The following CDH22 variants were observed in gnomAD, a reference collection of about 807,000 sequenced individuals.
CDH22 encodes cadherin-22.
Under a neutral mutation model 58.4 loss-of-function variants are expected in CDH22, and 30 were observed. The observed-to-expected ratio is 0.51, with a 90% CI of 0.38 to 0.70. The LOEUF is 0.70. CDH22 is among the 30% of genes least tolerant of loss of function. The pLI, the probability that CDH22 is intolerant of heterozygous loss-of-function variation, is 0.00. For missense variants in CDH22, 1,014 were observed against 1,233.9 expected, an observed-to-expected ratio of 0.82 and a Z score of 2.67; for synonymous variants, 513 against 558.2, an observed-to-expected ratio of 0.92 and a Z score of 1.14.
chr20:46,189,947 A>ATT (rs60240148), intron 8 of CDH22, among the ~76,000 whole-genome samples: 2,028 of 142,734 alleles, frequency 0.014, 47 homozygotes, highest in African/African-American at 0.05. Flanking sequence ...TTGGTCAGTG[A>ATT]TTTTTTTTTT....
At chr20:46,302,512 G>A (rs975843453) in intron 1 of CDH22, among the ~76,000 whole-genome samples, 1 of 152,188 alleles carries the variant, frequency 6.6e-6, no homozygotes, top group Non-Finnish European at 1.5e-5. Flanking sequence ...TTGCTACAGA[G>A]GTTCAAAATA....
chr20:46,253,859 A>G (rs2086393313), intron 1 of CDH22, among the ~76,000 whole-genome samples: 1 of 152,132 alleles, frequency 6.6e-6, no homozygotes, highest in Admixed American at 6.5e-5. Context: ...TCACTTCTGG[A>G]GAGGGCTGTG....
chr20:46,258,129 G>A (rs1600719054), intron 1 of CDH22, among the ~76,000 whole-genome samples: 1 of 152,174 alleles, frequency 6.6e-6, no homozygotes, highest in African/African-American at 2.4e-5. Context: ...AGTTAGTGGG[G>A]CGGAGGTCAT....
At chr20:46,264,393 A>ATT (rs2086448281) in intron 1 of CDH22, among the ~76,000 whole-genome samples, 1 of 152,172 alleles carries the variant, frequency 6.6e-6, no homozygotes, top group African/African-American at 2.4e-5. Flanking sequence ...ATAATGATAG[A>ATT]TAACATTTAT....
chr20:46,207,784 T>C (rs1445473335), intron 7 of CDH22, among the ~76,000 whole-genome samples: 1 of 152,198 alleles, frequency 6.6e-6, no homozygotes, highest in Non-Finnish European at 1.5e-5. Context: ...AAGCTGTTCG[T>C]CTGTCTGGAA....
In CDH22 at chr20:46,239,677, C is replaced by T. The variant is rs529279291; in HGVS notation, c.550+1286G>A. ...ACAGCGAGTCAGCAATGGAGCGTGG[C>T]TTAGGACCTAGGGCAGCTGCTTCTT... On this transcript the variant is annotated intron_variant, in intron 3 of 11. Coordinates refer to ENST00000537909, the MANE Select transcript of CDH22 (RefSeq NM_021248.3). 1.4e-4 allele frequency among the ~76,000 whole-genome samples: 21 copies of T among 152,348 alleles called. No individual in the cohort carries two copies. In the South Asian group the frequency reaches 3.3e-3, roughly 24 times the overall value.
intron 3 of CDH22, among the ~76,000 whole-genome samples, chr20:46,228,253 C>A (rs550061380): frequency 9.2e-5 from 14 of 152,108 alleles, no homozygotes; most frequent in Non-Finnish European, 2.1e-4. Flanking sequence ...GAGAGGGCAG[C>A]ACCCAGCCTT....
In CDH22 at chr20:46,241,336, GC is replaced by G; in HGVS notation, c.256-80del. On this transcript the variant is annotated intron_variant, in intron 2 of 11. Coordinates refer to ENST00000537909, the MANE Select transcript of CDH22 (RefSeq NM_021248.3). This position sits in a 1 kb window ranked among gnomAD's most constrained non-coding sequence, Gnocchi z 5.2. ...GCCTCACTGTCTCATGCCATTGGCT[GC>G]CTATTCCTAAGCCCATCTCTTCTCC... 8.0e-7 allele frequency: 1 copy of G among 1,251,414 alleles called. No individual in the cohort carries two copies. The highest frequency in any genetic ancestry group is 1.5e-5 in the South Asian group (1 of 66,108). The allele number at this position is 1,251,414 out of a possible 1,614,324, so 77.5% of individuals were successfully genotyped here. A position where few individuals can be genotyped will look rare whatever the true frequency, so the allele number is the denominator to read the frequency against.
chr20:46,298,788 T>C (rs2086639274), intron 1 of CDH22, among the ~76,000 whole-genome samples: 1 of 152,068 alleles, frequency 6.6e-6, no homozygotes, highest in Non-Finnish European at 1.5e-5. Context: ...ATTTGGTTAA[T>C]GGACCCCAGT....
intron 10 of CDH22, among the ~76,000 whole-genome samples, chr20:46,185,248 A>C (rs1301441807): frequency 6.6e-6 from 1 of 152,098 alleles, no homozygotes; most frequent in Non-Finnish European, 1.5e-5. Context: ...CTGGTCCCTT[A>C]TTTCCAGTCT....
At chr20:46,245,057 C>T (rs2086318611) in intron 2 of CDH22, among the ~76,000 whole-genome samples, 1 of 152,140 alleles carries the variant, frequency 6.6e-6, no homozygotes, top group Admixed American at 6.5e-5. Flanking sequence ...TCTGAAGATT[C>T]ATAAGATAAT....
chr20:46,187,756 C>T (rs1055557819), intron 8 of CDH22, among the ~76,000 whole-genome samples: 5 of 152,118 alleles, frequency 3.3e-5, no homozygotes, highest in Non-Finnish European at 5.9e-5. Context: ...CACTGCCATC[C>T]CCACCCCCTC....
intron 3 of CDH22, among the ~76,000 whole-genome samples, chr20:46,235,662 C>T (rs571584683): frequency 1.6e-4 from 24 of 152,312 alleles, no homozygotes; most frequent in African/African-American, 5.5e-4. Context: ...GTCCTTGTCT[C>T]CTCTGCCTCT....
Position 46,216,299 on chromosome 20 carries a change from G to A in CDH22, c.838+527C>T, listed in dbSNP as rs892271234. ...CCTCCTAATTCAGAAGCACAGAGTC[G>A]CGCTACCCAGGCTCAGAGGAGGAGG... On this transcript the variant is annotated intron_variant, in intron 5 of 11. Transcript: ENST00000537909. The surrounding 1 kb of genome is among the most constrained non-coding windows in gnomAD (Gnocchi z 5.3). Among the ~76,000 whole-genome samples, 13 of 152,200 alleles carry A rather than the reference G, an allele frequency of 8.5e-5. No homozygotes were observed. Among genetic ancestry groups the A allele is most frequent in the African/African-American group, 1.7e-4 (7 of 41,452 alleles).
Position 46,175,089 on chromosome 20 carries a change from A to G in CDH22, c.1916-12T>C. The G allele has an allele frequency of 1.3e-6, 2 of 1,573,394 alleles. No homozygotes were observed. The highest frequency in any genetic ancestry group is 1.8e-5 in the Admixed American group (1 of 56,028). ...CAGCAGCACCAGCACTGCGAGGGGG[A>G]CAGAGGGGGCAACTGAGGGCCAAGC... On this transcript the variant is annotated splice_polypyrimidine_tract_variant and intron_variant, in intron 11 of 11. Coordinates refer to ENST00000537909, the MANE Select transcript of CDH22 (RefSeq NM_021248.3).
intron 2 of CDH22, among the ~76,000 whole-genome samples, chr20:46,243,398 T>C (rs546914029): frequency 6.6e-6 from 1 of 152,382 alleles, no homozygotes; most frequent in East Asian, 1.9e-4. Flanking sequence ...GGGGACTAAA[T>C]GGAGGCGTCT....
At chr20:46,196,300 G>T (rs2085902026) in intron 8 of CDH22, among the ~76,000 whole-genome samples, 1 of 151,712 alleles carries the variant, frequency 6.6e-6, no homozygotes, top group African/African-American at 2.4e-5. Context: ...TTTTGAGACA[G>T]AGTCTTGCCT....
At chr20:46,299,832 T>G (rs909956522) in intron 1 of CDH22, among the ~76,000 whole-genome samples, 8 of 152,150 alleles carry the variant, frequency 5.3e-5, no homozygotes, top group Non-Finnish European at 1.2e-4. Flanking sequence ...ATGGGAACCC[T>G]GGTAGTCTGG....
rs1331579265 is a variant in CDH22 at position 46,227,488 on chromosome 20, G to T, written c.670+20C>A. Reference sequence around the variant, plus strand: ...GGCCCCGCCCCACGGCTCCGCCTCTGGCCCCGCCCTGCCCCTCACCGGTCT... The same window carrying T: ...GGCCCCGCCCCACGGCTCCGCCTCTTGCCCCGCCCTGCCCCTCACCGGTCT... On this transcript the variant is annotated intron_variant, in intron 4 of 11. Transcript: ENST00000537909. 8.3e-6 allele frequency: 12 copies of T among 1,443,536 alleles called. No individual in the cohort carries two copies. Among genetic ancestry groups the T allele is most frequent in the Non-Finnish European group, 9.5e-6 (10 of 1,057,840 alleles). 89.4% of individuals were successfully genotyped at this position (1,443,536 alleles called of 1,614,324 possible).
Sources: gnomAD v4.1 joint callset for allele counts (sites outside exome capture counted in the v4.1 genomes callset) on GRCh38, gnomAD v4.1.1 for gene constraint, Gnocchi (gnomAD v3.1) non-coding constraint, MANE v1.5 for transcripts, NCBI Gene and HGNC (gene_info 2026-07-23, HGNC 2026-07-21) for gene names.